The following AKT2 variants were observed in gnomAD, a reference collection of about 807,000 sequenced individuals.
The protein encoded by AKT2 is AKT serine/threonine kinase 2.
AKT2 carries 16 observed loss-of-function variants against 58.6 expected under a neutral mutation model. That is an observed-to-expected ratio of 0.27 (90% CI 0.18 to 0.41). The LOEUF is 0.41. Among genes scored for constraint, AKT2 ranks in the 10% least tolerant of loss-of-function variants. The probability of loss-of-function intolerance (pLI) is 1.00; values close to 1 mark genes in which losing one functional copy is unlikely to be tolerated. For synonymous variants in AKT2, 253 were observed against 254.0 expected (o/e 1.00, Z 0.04); for missense variants, 438 against 661.0 (o/e 0.66, Z 3.70).
intron 1 of AKT2, among the ~76,000 whole-genome samples, chr19:40,269,969 C>T (rs1053899377): frequency 6.6e-6 from 1 of 152,200 alleles, no homozygotes; most frequent in Non-Finnish European, 1.5e-5. Flanking sequence ...CCTGCAACAT[C>T]CCCCTTTGCT....
intron 4 of AKT2, among the ~76,000 whole-genome samples, chr19:40,251,220 A>C (rs1344125695): frequency 6.6e-6 from 1 of 152,224 alleles, no homozygotes; most frequent in African/African-American, 2.4e-5. Flanking sequence ...AAAAGTTTTA[A>C]ATTTAAAAAA....
Position 40,237,981 on chromosome 19 carries a change from G to GTA in AKT2, c.817_818dup (p.Arg274ThrfsTer35), listed in dbSNP as rs1404757807. 2 of 1,613,654 alleles carry GTA rather than the reference G, an allele frequency of 1.2e-6. No homozygotes were observed. The highest frequency in any genetic ancestry group is 1.7e-6 in the Non-Finnish European group (2 of 1,179,884). The stretch of plus-strand genomic sequence containing the variant: ...CCCTGCCACTAACCTTGATGTCGCG[G>GTA]TATACCACGTCCCGCGAGTGCAAGT... On this transcript the variant is annotated frameshift_variant, in exon 9 of 14. Coordinates refer to ENST00000392038, the MANE Select transcript of AKT2 (RefSeq NM_001626.6). LOFTEE classifies it high-confidence loss of function. This position sits in a 1 kb window ranked among gnomAD's most constrained non-coding sequence, Gnocchi z 4.5.
intron 4 of AKT2, among the ~76,000 whole-genome samples, chr19:40,248,350 G>C (rs1473472398): frequency 6.6e-6 from 1 of 152,252 alleles, no homozygotes; most frequent in East Asian, 1.9e-4. Flanking sequence ...CACCAGGCTT[G>C]TTCAGGGCAC....
At chr19:40,240,148 A>C in intron 6 of AKT2, 38 bp from the exon 7 acceptor site, 1 of 1,596,934 alleles carries the variant, frequency 6.3e-7, no homozygotes, top group Non-Finnish European at 8.6e-7. Flanking sequence ...GGTGGGCAAC[A>C]CCACACCTGC....
intron 1 of AKT2, among the ~76,000 whole-genome samples, chr19:40,275,770 G>GGGT (rs1568572681): frequency 1.0e-5 from 1 of 99,602 alleles, no homozygotes; most frequent in African/African-American, 3.6e-5. Flanking sequence ...AGGCTGGGGG[G>GGGT]GGGGGGGGTG....
At chr19:40,250,997 G>C (rs970912052) in intron 4 of AKT2, among the ~76,000 whole-genome samples, 1 of 152,094 alleles carries the variant, frequency 6.6e-6, no homozygotes, top group Admixed American at 6.6e-5. Context: ...GAGACCAGGA[G>C]TTCCAGACCG....
In AKT2 at chr19:40,238,247, A is replaced by G. The variant is rs1378674195; in HGVS notation, c.709-156T>C. ...GGGACCAATCAAGGCAGAGCGCAGA[A>G]GCTCATAAGTGACACAGAGCTGGGG... On this transcript the variant is annotated intron_variant, in intron 8 of 13. Transcript: ENST00000392038. The surrounding 1 kb of genome is among the most constrained non-coding windows in gnomAD (Gnocchi z 5.1). Among the ~76,000 whole-genome samples the G allele has an allele frequency of 6.6e-6, 1 of 151,470 alleles. No homozygotes were observed. The highest frequency in any genetic ancestry group is 1.9e-4 in the East Asian group (1 of 5,196).
At chr19:40,283,174 T>C (rs2077454146) in intron 1 of AKT2, 1 of 152,498 alleles carries the variant, frequency 6.6e-6, no homozygotes, top group African/African-American at 2.4e-5. Flanking sequence ...TCTGAGATGC[T>C]GTTTTCTCAT....
In AKT2 at chr19:40,235,344, A is replaced by C. The variant is rs1568517171; in HGVS notation, c.1182T>G (p.Gly394=). 6.2e-7 allele frequency: 1 copy of C among 1,613,612 alleles called. No individual in the cohort carries two copies. Among genetic ancestry groups the C allele is most frequent in the African/African-American group, 1.3e-5 (1 of 75,028 alleles). Reference sequence around the variant, plus strand: ...CCTCCTTGGCATCGCTGGGCCCCCCACCAAGCCTGTGCAGAGACGGCCGTC... The same window carrying C: ...CCTCCTTGGCATCGCTGGGCCCCCCCCCAAGCCTGTGCAGAGACGGCCGTC... ...LLKKDPKQRL[G]GGPSDAKEVM... Residue 394 remains glycine, a synonymous_variant, in exon 12 of 14, where the codon GGT becomes GGG. Transcript: ENST00000392038. The surrounding 1 kb of genome is among the most constrained non-coding windows in gnomAD (Gnocchi z 6.3).
Position 40,233,635 on chromosome 19 carries a change from G to A in AKT2, c.*237C>T, listed in dbSNP as rs760602428. 18 of 753,226 alleles carry A rather than the reference G, an allele frequency of 2.4e-5. No individual in the cohort carries two copies. Among genetic ancestry groups the A allele is most frequent in the Non-Finnish European group, 4.1e-5 (17 of 410,476 alleles). The allele number at this position is 753,226 out of a possible 1,614,324, so 46.7% of individuals were successfully genotyped here. A position where few individuals can be genotyped will look rare whatever the true frequency, so the allele number is the denominator to read the frequency against. The stretch of plus-strand genomic sequence containing the variant: ...CCAACCGCCCAACAGCCCAGGCCTG[G>A]GCGGGAGGTGGAGTCTTCCAAATGC... On this transcript the variant is annotated 3_prime_UTR_variant, in exon 14 of 14. Transcript: ENST00000392038. This position sits in a 1 kb window ranked among gnomAD's most constrained non-coding sequence, Gnocchi z 4.3.
At chr19:40,262,546 T>A (rs1466317960) in intron 2 of AKT2, among the ~76,000 whole-genome samples, 2 of 152,208 alleles carry the variant, frequency 1.3e-5, no homozygotes, top group African/African-American at 4.8e-5. Context: ...GTGACTCTGA[T>A]TAGATGTGCT....
chr19:40,254,594 G>A (rs192884422), intron 4 of AKT2, among the ~76,000 whole-genome samples: 8 of 151,994 alleles, frequency 5.3e-5, no homozygotes, highest in Admixed American at 2.0e-4. Context: ...TTGGGAGGCC[G>A]AGGCAGGCGG....
intron 7 of AKT2, chr19:40,239,761 A>T: frequency 3.2e-6 from 2 of 634,186 alleles, no homozygotes; most frequent in Non-Finnish European, 5.9e-6. Context: ...AAGTGCTCCT[A>T]ACTCATAGAG....
At position 40,234,813 on chromosome 19, in the gene AKT2, T is replaced by C. The variant is rs1599947737; in HGVS notation, c.1366+232A>G. ...CAGGCTCAGGGACCGGGCTGCCTCC[T>C]GCCCTGAGCCCCCCGACTGAGCTCC... On this transcript the variant is annotated intron_variant, in intron 13 of 13. Transcript: ENST00000392038. This position sits in a 1 kb window ranked among gnomAD's most constrained non-coding sequence, Gnocchi z 4.7. 1.6e-6 allele frequency: 1 copy of C among 631,266 alleles called. No individual in the cohort carries two copies. Among genetic ancestry groups the C allele is most frequent in the Non-Finnish European group, 2.8e-6 (1 of 351,352 alleles). The allele number at this position is 631,266 out of a possible 1,614,324, so 39.1% of individuals were successfully genotyped here.
Position 40,276,345 on chromosome 19 carries a change from C to CT in AKT2, c.-85+8835dup, listed in dbSNP as rs748551877. 7.9e-4 allele frequency among the ~76,000 whole-genome samples: 46 copies of CT among 58,508 alleles called. 9 individuals carry two copies. Among genetic ancestry groups the CT allele is most frequent in the East Asian group, 3.4e-3 (5 of 1,478 alleles). 38.4% of individuals were successfully genotyped at this position (58,508 alleles called of 152,430 possible). A position where few individuals can be genotyped will look rare whatever the true frequency, so the allele number is the denominator to read the frequency against. On this transcript the variant is annotated intron_variant, in intron 1 of 13. Coordinates refer to ENST00000392038, the MANE Select transcript of AKT2 (RefSeq NM_001626.6). Reference sequence around the variant, plus strand: ...AGCTTCCGCATCTGTAAAATGGAATCTTTTTTTTTTTTTTTTTTTTTTTTT... The same window carrying CT: ...AGCTTCCGCATCTGTAAAATGGAATCTTTTTTTTTTTTTTTTTTTTTTTTTT...
chr19:40,277,979 C>A (rs2077356828), intron 1 of AKT2, among the ~76,000 whole-genome samples: 1 of 152,192 alleles, frequency 6.6e-6, no homozygotes, highest in East Asian at 1.9e-4. Flanking sequence ...CCATCCTCAT[C>A]TCTTCCCCCT....
chr19:40,231,953 C>A lies in AKT2; in HGVS notation c.*1919G>T, dbSNP rs1335320206. ...ATGCCCCCCTCTGAGGCTCGGCAGC[C>A]GGGTGGAATGAACCACTCCCTCTCA... On this transcript the variant is annotated 3_prime_UTR_variant, in exon 14 of 14. Coordinates refer to ENST00000392038, the MANE Select transcript of AKT2 (RefSeq NM_001626.6). The A allele has an allele frequency of 4.3e-6, 1 of 233,160 alleles. No individual in the cohort carries two copies. Among genetic ancestry groups the A allele is most frequent in the Non-Finnish European group, 8.5e-6 (1 of 118,094 alleles). 14.4% of individuals were successfully genotyped at this position (233,160 alleles called of 1,614,324 possible). A position where few individuals can be genotyped will look rare whatever the true frequency, so the allele number is the denominator to read the frequency against.
chr19:40,242,548 C>A lies in AKT2; in HGVS notation c.427G>T (p.Ala143Ser). The change falls in exon 5 of 14, where the codon GCA becomes TCA. Residue 143 changes from alanine to serine, a missense_variant. By Grantham distance (99) the Ala-to-Ser change is moderately conservative. Coordinates refer to ENST00000392038, the MANE Select transcript of AKT2 (RefSeq NM_001626.6). The surrounding 1 kb of genome is among the most constrained non-coding windows in gnomAD (Gnocchi z 4.3). Reference sequence around the variant, plus strand: ...CCAGCACTTACCACTTTAGCCCGTGCCTTGCTGACCGCCACTTCCATCTCC... The same window carrying A: ...CCAGCACTTACCACTTTAGCCCGTGACTTGCTGACCGCCACTTCCATCTCC... Reference protein sequence around the residue: ...TEEMEVAVSKARAKVTMNDFD... With the variant: ...TEEMEVAVSKSRAKVTMNDFD... 1 of 1,613,752 alleles carries A rather than the reference C, an allele frequency of 6.2e-7. No homozygotes were observed. Among genetic ancestry groups the A allele is most frequent in the Non-Finnish European group, 8.5e-7 (1 of 1,180,022 alleles).
At chr19:40,272,466 G>A (rs2077232839) in intron 1 of AKT2, among the ~76,000 whole-genome samples, 1 of 152,182 alleles carries the variant, frequency 6.6e-6, no homozygotes, top group South Asian at 2.1e-4. Flanking sequence ...CTGACACTGG[G>A]ACCATCAGCA....
Sources: gnomAD v4.1 joint callset for allele counts (sites outside exome capture counted in the v4.1 genomes callset) on GRCh38, gnomAD v4.1.1 for gene constraint, Gnocchi (gnomAD v3.1) non-coding constraint, MANE v1.5 for transcripts, NCBI Gene and HGNC (gene_info 2026-07-23, HGNC 2026-07-21) for gene names.